Variants in CNBD2 observed in about 807,000 individuals in gnomAD.
CNBD2 encodes the protein cyclic nucleotide binding domain containing 2, also known as cyclic nucleotide-binding domain-containing protein 2.
In CNBD2, 64 loss-of-function variants were observed where a neutral mutation model predicts 63.7. That is an observed-to-expected ratio of 1.00 (90% CI 0.82 to 1.24). The LOEUF (loss-of-function observed/expected upper bound fraction) is 1.24, where lower values mean the gene tolerates loss of function less well. Ranked by LOEUF, CNBD2 falls within the 50% of genes most tolerant of loss-of-function variation. The pLI is 0.00. For missense variants in CNBD2, 691 were observed against 713.5 expected (o/e 0.97, Z 0.36); for synonymous variants, 229 against 255.4 (o/e 0.90, Z 0.99).
intron 8 of CNBD2, among the ~76,000 whole-genome samples, chr20:35,998,979 A>G (rs1384397910): frequency 1.3e-5 from 2 of 151,166 alleles, no homozygotes; most frequent in Non-Finnish European, 2.9e-5. Flanking sequence ...GTTTTGCCTC[A>G]TATATTTTGA....
At chr20:35,998,132 C>G (rs999532882) in intron 8 of CNBD2, among the ~76,000 whole-genome samples, 2 of 151,264 alleles carry the variant, frequency 1.3e-5, no homozygotes, top group East Asian at 1.9e-4. Context: ...TCCTCCACCC[C>G]CCAGGTTCGA....
At chr20:36,004,500 G>A (rs187676214) in intron 8 of CNBD2, among the ~76,000 whole-genome samples, 283 of 152,202 alleles carry the variant, frequency 1.9e-3, no homozygotes, top group Non-Finnish European at 3.5e-3. Context: ...TGGGGCAGTA[G>A]TAGGGCTCAC....
At chr20:35,974,880 C>T (rs1425768935) in intron 2 of CNBD2, 9 of 152,260 alleles carry the variant, frequency 5.9e-5, no homozygotes, top group African/African-American at 2.2e-4. Context: ...TTAATAAAAC[C>T]TGCTTTGTCC....
At chr20:35,989,273 C>T (rs2056709939) in intron 7 of CNBD2, among the ~76,000 whole-genome samples, 1 of 152,224 alleles carries the variant, frequency 6.6e-6, no homozygotes, top group African/African-American at 2.4e-5. Flanking sequence ...CTGGTTCTTA[C>T]AGATTAAGCC....
chr20:35,960,410 C>T (rs6141581), intron 2 of CNBD2, among the ~76,000 whole-genome samples: 1 of 152,234 alleles, frequency 6.6e-6, no homozygotes, highest in Non-Finnish European at 1.5e-5. Context: ...TGTTGCAGTC[C>T]TAGATCACTG....
At chr20:36,030,097 TAC>T (rs1330665348) in intron 11 of CNBD2, among the ~76,000 whole-genome samples, 1 of 152,264 alleles carries the variant, frequency 6.6e-6, no homozygotes, top group Admixed American at 6.5e-5. Flanking sequence ...GTGTGTATTT[TAC>T]ACTCACAGCA....
intron 8 of CNBD2, among the ~76,000 whole-genome samples, chr20:36,003,890 T>A (rs1290325206): frequency 1.4e-5 from 2 of 145,602 alleles, no homozygotes; most frequent in Non-Finnish European, 3.1e-5. Flanking sequence ...AAAAAAAAAA[T>A]CTCTTGAGGT....
intron 6 of CNBD2, among the ~76,000 whole-genome samples, chr20:35,986,878 G>T (rs1398158933): frequency 6.6e-6 from 1 of 152,224 alleles, no homozygotes; most frequent in Non-Finnish European, 1.5e-5. Context: ...GGAGCAACAG[G>T]CAGAAAGAGT....
intron 1 of CNBD2, among the ~76,000 whole-genome samples, chr20:35,970,907 G>T (rs2056404494): frequency 6.6e-6 from 1 of 151,536 alleles, no homozygotes; most frequent in South Asian, 2.1e-4. Context: ...ATAGAAGTTA[G>T]TAAACAGAGA....
upstream of CNBD2, among the ~76,000 whole-genome samples, chr20:35,965,003 A>G (rs1406888149): frequency 6.6e-6 from 1 of 152,090 alleles, no homozygotes; most frequent in Non-Finnish European, 1.5e-5. Flanking sequence ...GCCCGGCCTC[A>G]TATATCTTTC....
chr20:35,990,417 G>A (rs181134115), intron 7 of CNBD2, among the ~76,000 whole-genome samples: 1 of 152,274 alleles, frequency 6.6e-6, no homozygotes, highest in Non-Finnish European at 1.5e-5. Flanking sequence ...GATCACTTGA[G>A]GTCAGGAGTT....
intron 8 of CNBD2, 85 bp from the exon 9 acceptor site, chr20:36,008,212 C>A (rs1168903095): frequency 2.7e-5 from 31 of 1,131,668 alleles, no homozygotes; most frequent in Non-Finnish European, 3.8e-5. Flanking sequence ...CAGGCAGGTT[C>A]CTGTGATAAG....
intron 2 of CNBD2, among the ~76,000 whole-genome samples, chr20:35,960,638 C>G (rs1486663920): frequency 6.6e-6 from 1 of 152,172 alleles, no homozygotes; most frequent in Non-Finnish European, 1.5e-5. Context: ...CAGGCGTGAG[C>G]CACCGTGCCT....
At position 35,980,460 on chromosome 20, in the gene CNBD2, G is replaced by T. The variant is rs1212371042; in HGVS notation, c.245G>T (p.Gly82Val). ...ATCACTCTGGTCCTCTCTCCCCAGG[G>T]TCACTTTCCTCCAAAGGCCATTCAG... ...FDTMDFIAEE[G>V]HFPPKAIQIM... is the part of the protein sequence containing the mutation. The change falls in exon 4 of 12, where the codon GGT becomes GTT. Residue 82 changes from glycine to valine, a missense_variant and splice_region_variant. Physicochemically the swap from Gly to Val is moderately radical, Grantham distance 109 (BLOSUM62 -3). Coordinates refer to ENST00000373973, the MANE Select transcript of CNBD2 (RefSeq NM_001365709.1). 1.9e-6 allele frequency: 3 copies of T among 1,613,982 alleles called. No individual in the cohort carries two copies. The highest frequency in any genetic ancestry group is 2.5e-6 in the Non-Finnish European group (3 of 1,180,012).
At chr20:35,962,361 C>A (rs2056315577) in intron 2 of CNBD2, among the ~76,000 whole-genome samples, 1 of 151,722 alleles carries the variant, frequency 6.6e-6, no homozygotes, top group African/African-American at 2.4e-5. Flanking sequence ...TGGGTTCACG[C>A]CATTCTCCTG....
At position 36,029,506 on chromosome 20, in the gene CNBD2, A is replaced by G. The variant is rs569653815; in HGVS notation, c.1440-851A>G. Reference sequence around the variant, plus strand: ...TGATTTCCATAGTGTAAATACTCCCACCATGGCCAGTTTCAAACTACCAAC... The same window carrying G: ...TGATTTCCATAGTGTAAATACTCCCGCCATGGCCAGTTTCAAACTACCAAC... On this transcript the variant is annotated intron_variant, in intron 11 of 11. Transcript: ENST00000373973. Among the ~76,000 whole-genome samples, 138 of 152,228 alleles carry G rather than the reference A, an allele frequency of 9.1e-4. 1 individual carries two copies. The highest frequency in any genetic ancestry group is 2.1e-3 in the South Asian group (10 of 4,816).
chr20:35,963,224 C>T (rs536217115), intron 2 of CNBD2, among the ~76,000 whole-genome samples: 1 of 151,418 alleles, frequency 6.6e-6, no homozygotes, highest in African/African-American at 2.4e-5. Context: ...ACCTGTGGTC[C>T]CAACTACTTG....
intron 10 of CNBD2, among the ~76,000 whole-genome samples, chr20:36,015,104 A>G (rs1464956142): frequency 1.3e-5 from 2 of 152,194 alleles, no homozygotes; most frequent in Non-Finnish European, 2.9e-5. Flanking sequence ...TTGTATTTCC[A>G]TGATGATCAA....
At chr20:36,029,620 T>C (rs1033636967) in intron 11 of CNBD2, among the ~76,000 whole-genome samples, 2 of 152,246 alleles carry the variant, frequency 1.3e-5, no homozygotes, top group Non-Finnish European at 2.9e-5. Flanking sequence ...TTGCTGATGC[T>C]ACAGGACTAG....
Sources: allele counts gnomAD v4.1 joint callset (sites outside exome capture counted in the v4.1 genomes callset), GRCh38; gene constraint gnomAD v4.1.1; transcripts MANE v1.5; gene names NCBI Gene and HGNC (gene_info 2026-07-23, HGNC 2026-07-21).